The following CERS6 variants were observed in gnomAD, a reference collection of about 807,000 sequenced individuals.
CERS6 encodes the protein LAG1 homolog, ceramide synthase 6.
Under a neutral mutation model 56.8 loss-of-function variants are expected in CERS6, and 26 were observed. That is an observed-to-expected ratio of 0.46 (90% confidence interval 0.34 to 0.63). The LOEUF (loss-of-function observed/expected upper bound fraction) is 0.63. CERS6 is among the 30% of genes least tolerant of loss of function. CERS6 has a pLI of 0.01. For missense variants in CERS6, 415 were observed against 467.5 expected (o/e 0.89, Z 1.04); for synonymous variants, 164 against 173.3 (o/e 0.95, Z 0.42).
intron 3 of CERS6, among the ~76,000 whole-genome samples, chr2:168,566,816 C>G (rs1260384063): frequency 6.7e-6 from 1 of 149,920 alleles, no homozygotes; most frequent in African/African-American, 2.4e-5. Flanking sequence ...AAAAAAAACC[C>G]TGAATATTTG....
chr2:168,747,135 A>G lies in CERS6; in HGVS notation c.846-18457A>G, dbSNP rs370612175. Among the ~76,000 whole-genome samples, 8 of 152,164 alleles carry G rather than the reference A, an allele frequency of 5.3e-5. No individual in the cohort carries two copies. In the East Asian group the frequency reaches 9.7e-4, roughly 18 times the overall value. On this transcript the variant is annotated intron_variant, in intron 8 of 9. Coordinates refer to ENST00000305747, the MANE Select transcript of CERS6 (RefSeq NM_203463.3). ...CTCTATTAAAAATAAAAGTTAAAAA[A>G]ATTAACCGAGCATGATGGTGCATGC...
intron 4 of CERS6, 128 bp from the exon 5 acceptor site, chr2:168,690,905 GT>G (rs1286625016): frequency 4.0e-6 from 3 of 747,666 alleles, no homozygotes; most frequent in Non-Finnish European, 6.8e-6. Flanking sequence ...CTGTTTTAAA[GT>G]TTGTCAGTTC....
At chr2:168,712,082 C>T (rs974861801) in intron 6 of CERS6, among the ~76,000 whole-genome samples, 3 of 152,106 alleles carry the variant, frequency 2.0e-5, no homozygotes, top group African/African-American at 7.2e-5. Flanking sequence ...GGCTGTCACC[C>T]AGTGAATCAG....
chr2:168,534,035 C>T (rs113960523), intron 1 of CERS6, among the ~76,000 whole-genome samples: 1,878 of 152,058 alleles, frequency 0.012, 46 homozygotes, highest in African/African-American at 0.042. Flanking sequence ...GTATGCTTCA[C>T]GAAGTTCTCG....
At chr2:168,712,947 A>G (rs1687130260) in intron 6 of CERS6, among the ~76,000 whole-genome samples, 1 of 151,730 alleles carries the variant, frequency 6.6e-6, no homozygotes, top group Admixed American at 6.6e-5. Context: ...AGCAACCAGG[A>G]CTCCTCACCC....
chr2:168,545,595 A>G (rs2105371350), intron 1 of CERS6, among the ~76,000 whole-genome samples: 1 of 152,142 alleles, frequency 6.6e-6, no homozygotes, highest in South Asian at 2.1e-4. Flanking sequence ...CTGCCTGCCC[A>G]TGCATTGTGA....
chr2:168,695,059 C>A lies in CERS6; in HGVS notation c.609+8C>A. The stretch of plus-strand genomic sequence containing the variant: ...ACTGATATCAAAAGAAAGGTAAGAG[C>A]GGTTATGTCGTAAAGTGCTTGCAAG... On this transcript the variant is annotated splice_region_variant and intron_variant, in intron 6 of 9. Coordinates refer to ENST00000305747, the MANE Select transcript of CERS6 (RefSeq NM_203463.3). 1.2e-6 allele frequency: 2 copies of A among 1,606,166 alleles called. No homozygotes were observed. Among genetic ancestry groups the A allele is most frequent in the Non-Finnish European group, 1.7e-6 (2 of 1,173,124 alleles).
chr2:168,647,791 C>T (rs1262114597), intron 4 of CERS6, among the ~76,000 whole-genome samples: 3 of 152,082 alleles, frequency 2.0e-5, no homozygotes, highest in Non-Finnish European at 4.4e-5. Context: ...GTCTTTAGTT[C>T]TGTTTATGTG....
intron 1 of CERS6, among the ~76,000 whole-genome samples, chr2:168,516,385 T>A (rs1324557925): frequency 6.6e-6 from 1 of 152,196 alleles, no homozygotes; most frequent in Non-Finnish European, 1.5e-5. Context: ...AATATTGTTA[T>A]TTGATGTCAG....
chr2:168,657,510 T>TCAGA (rs1559039318), intron 4 of CERS6, among the ~76,000 whole-genome samples: 3 of 152,146 alleles, frequency 2.0e-5, no homozygotes, highest in Non-Finnish European at 4.4e-5. Flanking sequence ...TCGGGGAGGC[T>TCAGA]CGGGCCACAC....
chr2:168,745,403 A>G (rs375218613), intron 8 of CERS6, among the ~76,000 whole-genome samples: 44 of 152,016 alleles, frequency 2.9e-4, no homozygotes, highest in South Asian at 2.1e-3. Flanking sequence ...CACCACGCCT[A>G]GCTAATTTTT....
intron 4 of CERS6, among the ~76,000 whole-genome samples, chr2:168,677,806 TATA>T (rs1406684650): frequency 1.3e-5 from 2 of 152,190 alleles, no homozygotes; most frequent in African/African-American, 4.8e-5. Flanking sequence ...CATGTGTCTT[TATA>T]GTGGAATGAT....
intron 1 of CERS6, among the ~76,000 whole-genome samples, chr2:168,470,957 TGCCTCGCTCAGA>T (rs1384293580): frequency 6.6e-6 from 1 of 152,114 alleles, no homozygotes; most frequent in African/African-American, 2.4e-5. Flanking sequence ...CTCCCAAGGC[TGCCTCGCTCAGA>T]GGCAGGCGTT....
intron 1 of CERS6, among the ~76,000 whole-genome samples, chr2:168,512,800 T>C (rs1694812921): frequency 6.6e-6 from 1 of 152,050 alleles, no homozygotes; most frequent in South Asian, 2.1e-4. Context: ...CCAGAGTCGC[T>C]GGGACTACAG....
chr2:168,606,671 C>T (rs988947548), intron 3 of CERS6, among the ~76,000 whole-genome samples: 2 of 152,026 alleles, frequency 1.3e-5, no homozygotes, highest in African/African-American at 4.8e-5. Flanking sequence ...TTGGAAGGGG[C>T]CAGGGGCAGG....
chr2:168,704,469 GTC>G (rs1394668392), intron 6 of CERS6, among the ~76,000 whole-genome samples: 1 of 152,022 alleles, frequency 6.6e-6, no homozygotes, highest in Non-Finnish European at 1.5e-5. Context: ...TTATAGCTCT[GTC>G]TCTCTCCCTG....
chr2:168,651,408 TAAAGC>T (rs1037112680), intron 4 of CERS6, among the ~76,000 whole-genome samples: 1 of 152,202 alleles, frequency 6.6e-6, no homozygotes, highest in African/African-American at 2.4e-5. Flanking sequence ...TTCTGTGAAT[TAAAGC>T]AAAGGGGAAA....
In CERS6 at chr2:168,631,040, A is replaced by G. The variant is rs1019548707; in HGVS notation, c.463A>G (p.Lys155Glu). 4.7e-6 allele frequency: 7 copies of G among 1,495,374 alleles called. No homozygotes were observed. The highest frequency in any genetic ancestry group is 1.2e-5 in the South Asian group (1 of 82,516). The allele number at this position is 1,495,374 out of a possible 1,614,324, so 92.6% of individuals were successfully genotyped here. A position where few individuals can be genotyped will look rare whatever the true frequency, so the allele number is the denominator to read the frequency against. Residue 155 changes from lysine (K) to glutamate (E), a missense_variant and splice_region_variant, in exon 4 of 10, where the codon AAG (lysine) becomes GAG (glutamate). Coordinates refer to ENST00000305747, the MANE Select transcript of CERS6 (RefSeq NM_203463.3). Reference protein sequence around the residue: ...VFTYGVRFLKKTPWLWNTRHC... With the variant: ...VFTYGVRFLKETPWLWNTRHC... ...TACCTACGGAGTCAGATTCCTGAAA[A>G]AGGTAGGATCTCTCAAACTATTTTA...
At position 168,769,755 on chromosome 2, in the gene CERS6, G is replaced by A; in HGVS notation, c.*93G>A. ...ATGCAGTTCCTTTCATAATATCTCA[G>A]CACCAGAAACAAAAATTAAGATTAT... On this transcript the variant is annotated 3_prime_UTR_variant, in exon 10 of 10. Coordinates refer to ENST00000305747, the MANE Select transcript of CERS6 (RefSeq NM_203463.3). 1 of 1,327,340 alleles carries A rather than the reference G, an allele frequency of 7.5e-7. No individual in the cohort carries two copies. Among genetic ancestry groups the A allele is most frequent in the Non-Finnish European group, 1.1e-6 (1 of 944,764 alleles). 82.2% of individuals were successfully genotyped at this position (1,327,340 alleles called of 1,614,324 possible). A position where few individuals can be genotyped will look rare whatever the true frequency, so the allele number is the denominator to read the frequency against.
Sources: gnomAD v4.1 joint callset for allele counts (sites outside exome capture counted in the v4.1 genomes callset) on GRCh38, gnomAD v4.1.1 for gene constraint, MANE v1.5 for transcripts, NCBI Gene and HGNC (gene_info 2026-07-23, HGNC 2026-07-21) for gene names.